The following SGCD variants were observed in gnomAD, a reference collection of about 807,000 sequenced individuals.
SGCD encodes the protein delta-sarcoglycan.
In SGCD, 18 loss-of-function variants were observed where a neutral mutation model predicts 36.6. The observed-to-expected ratio is 0.49, with a 90% CI of 0.34 to 0.73. The LOEUF is 0.73. Among genes scored for constraint, SGCD ranks in the 30% least tolerant of loss-of-function variants. The probability of loss-of-function intolerance (pLI) is 0.01; values close to 1 mark genes in which losing one functional copy is unlikely to be tolerated. For synonymous variants in SGCD, 133 were observed against 130.6 expected (o/e 1.02, Z -0.12); for missense variants, 387 against 346.7 (o/e 1.12, Z -0.92).
chr5:156,605,385 A>G (rs1393969215), intron 6 of SGCD, among the ~76,000 whole-genome samples: 1 of 152,056 alleles, frequency 6.6e-6, no homozygotes, highest in Non-Finnish European at 1.5e-5. Flanking sequence ...TGAACTCATC[A>G]TTTTTTATGG....
At chr5:156,390,705 G>C (rs1477957918) in intron 3 of SGCD, among the ~76,000 whole-genome samples, 5 of 151,952 alleles carry the variant, frequency 3.3e-5, no homozygotes, top group Non-Finnish European at 7.4e-5. Context: ...ACTCCAGCCT[G>C]GGCAACAAGA....
chr5:156,730,420 G>C (rs1033901700), intron 7 of SGCD, among the ~76,000 whole-genome samples: 1 of 152,108 alleles, frequency 6.6e-6, no homozygotes, highest in East Asian at 1.9e-4. Context: ...TCCCCTGTAT[G>C]TATCCATGTG....
intron 3 of SGCD, among the ~76,000 whole-genome samples, chr5:156,317,325 G>T (rs1767544900): frequency 6.6e-6 from 1 of 152,090 alleles, no homozygotes; most frequent in Admixed American, 6.5e-5. Context: ...ACAACCATAG[G>T]AGATGGCTGC....
chr5:155,827,781 C>T, the SGCD span, among the ~76,000 whole-genome samples: 1 of 143,034 alleles, frequency 7.0e-6, no homozygotes. Context: ...CAGGTTCAAG[C>T]AATTCTCCTG....
upstream of SGCD, among the ~76,000 whole-genome samples, chr5:155,869,141 C>G (rs1479150791): frequency 6.6e-6 from 1 of 152,142 alleles, no homozygotes; most frequent in Non-Finnish European, 1.5e-5. Flanking sequence ...CATATACTTT[C>G]AAGGGATCAG....
chr5:155,904,817 A>G (rs2113344444), intron 1 of SGCD, among the ~76,000 whole-genome samples: 1 of 152,314 alleles, frequency 6.6e-6, no homozygotes, highest in East Asian at 1.9e-4. Flanking sequence ...GTTGAACACT[A>G]TCCTTCCTTT....
At chr5:156,391,132 C>A (rs569570174) in intron 3 of SGCD, among the ~76,000 whole-genome samples, 1 of 152,300 alleles carries the variant, frequency 6.6e-6, no homozygotes, top group African/African-American at 2.4e-5. Context: ...TATTTTAAAT[C>A]TTTTGTACCA....
At chr5:156,305,803 C>T (rs1382651091) in intron 3 of SGCD, among the ~76,000 whole-genome samples, 1 of 152,248 alleles carries the variant, frequency 6.6e-6, no homozygotes, top group Non-Finnish European at 1.5e-5. Context: ...GGGAACCCAC[C>T]TCTTGCATCA....
At chr5:156,421,483 G>GC (rs755428243) in intron 3 of SGCD, among the ~76,000 whole-genome samples, 2 of 152,068 alleles carry the variant, frequency 1.3e-5, no homozygotes, top group Non-Finnish European at 1.5e-5. Context: ...CCATGGGTCA[G>GC]CACAACTGTC....
intron 6 of SGCD, among the ~76,000 whole-genome samples, chr5:156,635,089 G>T (rs974222123): frequency 2.3e-4 from 35 of 151,948 alleles, no homozygotes; most frequent in Non-Finnish European, 3.5e-4. Context: ...ACCAGGAATG[G>T]TGACATGTCC....
chr5:155,938,061 T>C (rs868216353), intron 1 of SGCD, among the ~76,000 whole-genome samples: 1 of 152,218 alleles, frequency 6.6e-6, no homozygotes, highest in Non-Finnish European at 1.5e-5. Flanking sequence ...CATACAGACA[T>C]GAACGCAAAC....
At chr5:155,804,763 G>A in the SGCD span, among the ~76,000 whole-genome samples, 1 of 152,200 alleles carries the variant, frequency 6.6e-6, no homozygotes, top group Admixed American at 6.5e-5. Context: ...TATCTTGGTT[G>A]TGCTTTTATT....
chr5:156,685,371 T>C (rs1163573758), intron 7 of SGCD, among the ~76,000 whole-genome samples: 4 of 152,176 alleles, frequency 2.6e-5, no homozygotes, highest in African/African-American at 7.2e-5. Flanking sequence ...TCGGTGTTGC[T>C]CTATTTTGTC....
intron 3 of SGCD, among the ~76,000 whole-genome samples, chr5:156,124,666 T>G (rs1762127525): frequency 6.6e-6 from 1 of 152,026 alleles, no homozygotes; most frequent in South Asian, 2.1e-4. Context: ...ATATATATAA[T>G]TTATTGAATG....
chr5:156,019,786 T>C (rs1158146689), intron 1 of SGCD, among the ~76,000 whole-genome samples: 1 of 152,212 alleles, frequency 6.6e-6, no homozygotes, highest in Non-Finnish European at 1.5e-5. Flanking sequence ...CCATCCATAA[T>C]GTGCGGTAGT....
At chr5:156,481,785 C>G (rs1041166546) in intron 3 of SGCD, among the ~76,000 whole-genome samples, 1 of 152,158 alleles carries the variant, frequency 6.6e-6, no homozygotes, top group African/African-American at 2.4e-5. Flanking sequence ...AGGAGCACAC[C>G]TGGACACAGA....
At chr5:156,444,694 C>A (rs1753683616) in intron 3 of SGCD, among the ~76,000 whole-genome samples, 1 of 152,020 alleles carries the variant, frequency 6.6e-6, no homozygotes, top group Non-Finnish European at 1.5e-5. Flanking sequence ...ATAGCTTTTC[C>A]TTTCTTTAGA....
At chr5:156,741,739 T>G (rs369322104) in intron 7 of SGCD, among the ~76,000 whole-genome samples, 1 of 152,196 alleles carries the variant, frequency 6.6e-6, no homozygotes, top group African/African-American at 2.4e-5. Context: ...AGGAAATGTT[T>G]ACCCTGGGAG....
chr5:156,567,050 A>G (rs1373732824), intron 4 of SGCD, among the ~76,000 whole-genome samples: 11 of 152,140 alleles, frequency 7.2e-5, no homozygotes, highest in African/African-American at 2.7e-4. Context: ...GTATCCACAA[A>G]TGATCCTATA....
Sources: allele counts gnomAD v4.1 joint callset (sites outside exome capture counted in the v4.1 genomes callset), GRCh38; gene constraint gnomAD v4.1.1; transcripts MANE v1.5; gene names NCBI Gene and HGNC (gene_info 2026-07-23, HGNC 2026-07-21).